The following ANKFN1 variants were observed in gnomAD, a reference collection of about 807,000 sequenced individuals.
ANKFN1 encodes ankyrin repeat and fibronectin type III domain containing 1, also known as ankyrin repeat and fibronectin type-III domain-containing protein 1.
In ANKFN1, 74 loss-of-function variants were observed where a neutral mutation model predicts 108.7. That is an observed-to-expected ratio of 0.68 (90% CI 0.56 to 0.83). The LOEUF (loss-of-function observed/expected upper bound fraction) is 0.83, where lower values mean the gene tolerates loss of function less well. ANKFN1 is among the 40% of genes least tolerant of loss of function. ANKFN1 has a pLI of 0.00. For synonymous variants in ANKFN1, 547 were observed against 516.2 expected (o/e 1.06, Z -0.81); for missense variants, 1,505 against 1,382.3 (o/e 1.09, Z -1.41).
chr17:56,092,466 G>T (rs1905437468), intron 4 of ANKFN1, among the ~76,000 whole-genome samples: 1 of 150,612 alleles, frequency 6.6e-6, no homozygotes, highest in Non-Finnish European at 1.5e-5. Context: ...AGTAGAGACA[G>T]GTTTTCACTG....
chr17:56,463,542 GT>G (rs1386035406), intron 14 of ANKFN1, among the ~76,000 whole-genome samples: 1 of 152,148 alleles, frequency 6.6e-6, no homozygotes, highest in Non-Finnish European at 1.5e-5. Flanking sequence ...AATCCTGTAA[GT>G]GACCAAAAGC....
chr17:56,397,735 C>T (rs1384415035), intron 8 of ANKFN1, among the ~76,000 whole-genome samples: 2 of 152,148 alleles, frequency 1.3e-5, no homozygotes, highest in African/African-American at 2.4e-5. Flanking sequence ...AGCAGAACCA[C>T]GGTCTTCACT....
intron 6 of ANKFN1, among the ~76,000 whole-genome samples, chr17:56,370,077 T>G (rs973043827): frequency 6.6e-6 from 1 of 152,154 alleles, no homozygotes; most frequent in African/African-American, 2.4e-5. Flanking sequence ...TTTTTAGAGG[T>G]GATCATTGCA....
At chr17:56,348,162 A>G (rs569111430) in intron 4 of ANKFN1, among the ~76,000 whole-genome samples, 9 of 152,130 alleles carry the variant, frequency 5.9e-5, no homozygotes, top group Non-Finnish European at 1.0e-4. Context: ...AATCAAAGGT[A>G]AAGGATTTGT....
At chr17:56,251,680 A>G (rs1443143355) in intron 3 of ANKFN1, among the ~76,000 whole-genome samples, 1 of 152,182 alleles carries the variant, frequency 6.6e-6, no homozygotes, top group Non-Finnish European at 1.5e-5. Flanking sequence ...GATGGTAACA[A>G]CCAAGCATTT....
chr17:56,506,111 G>C (rs968296980), intron 20 of ANKFN1, among the ~76,000 whole-genome samples: 7 of 151,996 alleles, frequency 4.6e-5, no homozygotes, highest in African/African-American at 1.7e-4. Flanking sequence ...TGTGCACGAC[G>C]TGCAAGTTTG....
intron 4 of ANKFN1, among the ~76,000 whole-genome samples, chr17:56,115,140 A>G (rs1020914297): frequency 6.6e-6 from 1 of 152,224 alleles, no homozygotes; most frequent in Admixed American, 6.5e-5. Flanking sequence ...ATATAGTTCT[A>G]TTAAAATTTC....
At chr17:56,293,285 A>G (rs1298378052) in intron 3 of ANKFN1, among the ~76,000 whole-genome samples, 1 of 152,188 alleles carries the variant, frequency 6.6e-6, no homozygotes, top group Non-Finnish European at 1.5e-5. Context: ...CACAGGGCCA[A>G]ACATATTTAT....
At chr17:56,139,012 A>G (rs1201291717) in intron 4 of ANKFN1, among the ~76,000 whole-genome samples, 3 of 152,210 alleles carry the variant, frequency 2.0e-5, no homozygotes, top group Non-Finnish European at 4.4e-5. Context: ...CTTATTATTA[A>G]TCTATCAGAT....
intron 1 of ANKFN1, among the ~76,000 whole-genome samples, chr17:56,159,556 T>G (rs1042909592): frequency 1.3e-5 from 2 of 152,242 alleles, no homozygotes; most frequent in Admixed American, 6.5e-5. Context: ...TTATAAGATG[T>G]TGACAAGTAA....
chr17:56,273,317 G>T (rs1170984025), intron 3 of ANKFN1, among the ~76,000 whole-genome samples: 1 of 151,926 alleles, frequency 6.6e-6, no homozygotes, highest in African/African-American at 2.4e-5. Context: ...ACTATAACTG[G>T]CTCATATCAT....
intron 1 of ANKFN1, among the ~76,000 whole-genome samples, chr17:56,204,516 T>C (rs1914350294): frequency 6.6e-6 from 1 of 151,340 alleles, no homozygotes. Context: ...AATTTTTGTG[T>C]TTTTAGTAGA....
chr17:56,484,134 G>A (rs2050789149), intron 18 of ANKFN1, among the ~76,000 whole-genome samples: 1 of 152,108 alleles, frequency 6.6e-6, no homozygotes, highest in African/African-American at 2.4e-5. Context: ...CATGAGAACA[G>A]AAGAATTCAG....
At chr17:56,136,881 C>A (rs1448750367) in intron 4 of ANKFN1, among the ~76,000 whole-genome samples, 2 of 152,188 alleles carry the variant, frequency 1.3e-5, no homozygotes, top group African/African-American at 2.4e-5. Flanking sequence ...ATACTTCTGA[C>A]CAGAATTCTT....
chr17:56,342,004 G>C (rs531700394), intron 4 of ANKFN1, among the ~76,000 whole-genome samples: 1 of 151,882 alleles, frequency 6.6e-6, no homozygotes, highest in Admixed American at 6.6e-5. Context: ...GCCTCTTCAG[G>C]GATTCAGTTT....
chr17:56,221,822 G>T (rs1312099426), intron 2 of ANKFN1, among the ~76,000 whole-genome samples: 1 of 152,176 alleles, frequency 6.6e-6, no homozygotes, highest in African/African-American at 2.4e-5. Context: ...TCAGCCATTG[G>T]TGGGCATCTT....
intron 15 of ANKFN1, among the ~76,000 whole-genome samples, chr17:56,469,615 G>A (rs887037300): frequency 2.2e-4 from 33 of 151,924 alleles, no homozygotes; most frequent in African/African-American, 7.7e-4. Context: ...TATGTGTCCA[G>A]GGCATTATTT....
intron 3 of ANKFN1, among the ~76,000 whole-genome samples, chr17:56,232,372 C>G (rs1015742571): frequency 6.6e-6 from 1 of 152,038 alleles, no homozygotes; most frequent in Non-Finnish European, 1.5e-5. Flanking sequence ...ATTACAATAA[C>G]TAAGAGCACA....
At chr17:56,287,641 G>T (rs559022582) in intron 3 of ANKFN1, among the ~76,000 whole-genome samples, 1 of 152,272 alleles carries the variant, frequency 6.6e-6, no homozygotes, top group East Asian at 1.9e-4. Flanking sequence ...CTGCATCTGG[G>T]TATAGGTGGG....
Sources: gnomAD v4.1 joint callset for allele counts (sites outside exome capture counted in the v4.1 genomes callset) on GRCh38, gnomAD v4.1.1 for gene constraint, MANE v1.5 for transcripts, NCBI Gene and HGNC (gene_info 2026-07-23, HGNC 2026-07-21) for gene names.